GPC5: variants seen among roughly 807,000 people sequenced by gnomAD.
GPC5 encodes the protein glypican-5.
GPC5 carries 47 observed loss-of-function variants against 53.9 expected under a neutral mutation model. The observed-to-expected ratio is 0.87, with a 90% CI of 0.69 to 1.11. The LOEUF (loss-of-function observed/expected upper bound fraction) is 1.11. GPC5 is among the 50% of genes most tolerant of loss of function. The pLI, the probability that GPC5 is intolerant of heterozygous loss-of-function variation, is 0.00. For synonymous variants in GPC5, 286 were observed against 263.3 expected, an observed-to-expected ratio of 1.09 and a Z score of -0.84; for missense variants, 748 against 713.1, an observed-to-expected ratio of 1.05 and a Z score of -0.56.
intron 7 of GPC5, among the ~76,000 whole-genome samples, chr13:92,864,557 T>A (rs1879282539): frequency 6.6e-6 from 1 of 151,512 alleles, no homozygotes; most frequent in South Asian, 2.1e-4. Flanking sequence ...TATGTAGTTA[T>A]CTTAGAAAAA....
chr13:92,147,157 A>G (rs2041873524), intron 7 of GPC5, among the ~76,000 whole-genome samples: 1 of 141,040 alleles, frequency 7.1e-6, no homozygotes, highest in Non-Finnish European at 1.5e-5. Context: ...AATTTATGTG[A>G]GGTGAAAGAA....
At chr13:91,711,875 G>A (rs962206284) in intron 3 of GPC5, among the ~76,000 whole-genome samples, 1 of 152,158 alleles carries the variant, frequency 6.6e-6, no homozygotes, top group African/African-American at 2.4e-5. Context: ...TGGCTGGGTA[G>A]CTTCAAGTTT....
chr13:92,696,466 AAT>A (rs1307026995), intron 7 of GPC5, among the ~76,000 whole-genome samples: 2 of 152,218 alleles, frequency 1.3e-5, no homozygotes, highest in African/African-American at 4.8e-5. Context: ...AGCTTTTTTA[AAT>A]ATGTTAGTTG....
Position 92,761,620 on chromosome 13 carries a change from T to C in GPC5, c.1562-104662T>C, listed in dbSNP as rs1333479620. 2.0e-5 allele frequency among the ~76,000 whole-genome samples: 3 copies of C among 152,174 alleles called. 1 individual carries two copies. The highest frequency in any genetic ancestry group is 7.2e-5 in the African/African-American group (3 of 41,440). On this transcript the variant is annotated intron_variant, in intron 7 of 7. Coordinates refer to ENST00000377067, the MANE Select transcript of GPC5 (RefSeq NM_004466.6). ...CCTATTTGTGTCCTTAATGCTAAAG[T>C]AGGTCTCTTGTAGCAGCATATACTC...
intron 7 of GPC5, among the ~76,000 whole-genome samples, chr13:92,688,080 A>C (rs887044641): frequency 3.4e-5 from 3 of 88,054 alleles, no homozygotes; most frequent in Non-Finnish European, 5.9e-5. Flanking sequence ...CTGGGCTCAT[A>C]AAATGAGTTA....
intron 6 of GPC5, among the ~76,000 whole-genome samples, chr13:91,954,990 A>G (rs913143697): frequency 1.3e-5 from 2 of 152,198 alleles, no homozygotes; most frequent in Non-Finnish European, 2.9e-5. Context: ...TTAAAATGCC[A>G]TTAAAATATC....
At chr13:92,291,366 G>A (rs9516046) in intron 7 of GPC5, among the ~76,000 whole-genome samples, 66,901 of 151,976 alleles carry the variant, frequency 0.44, 16,287 homozygotes, top group African/African-American at 0.66. Context: ...TAAGTACACC[G>A]ATCGGCACTC....
At chr13:91,545,509 A>G (rs1594234486) in intron 2 of GPC5, among the ~76,000 whole-genome samples, 1 of 152,132 alleles carries the variant, frequency 6.6e-6, no homozygotes, top group East Asian at 1.9e-4. Flanking sequence ...TGATTTTCAT[A>G]AATTTTTTTC....
rs116454127 is a variant in GPC5 at position 92,618,534 on chromosome 13, C to G, written c.1562-247748C>G. Among the ~76,000 whole-genome samples the G allele has an allele frequency of 4.5e-3, 680 of 151,940 alleles. 7 individuals are homozygous for G. The highest frequency in any genetic ancestry group is 0.015 in the African/African-American group (637 of 41,500). On this transcript the variant is annotated intron_variant, in intron 7 of 7. Transcript: ENST00000377067. ...ATACACCATGGGTAAGGAGATATAC[C>G]AGTGATTAAAGGACATTTTAATTCT... is the stretch of plus-strand genomic sequence containing the variant.
chr13:92,354,402 A>T (rs375371847), intron 7 of GPC5, among the ~76,000 whole-genome samples: 62 of 152,366 alleles, frequency 4.1e-4, no homozygotes, highest in African/African-American at 1.3e-3. Context: ...TCAGTTACTA[A>T]CAGGTGAAAT....
chr13:92,345,212 A>G (rs2043400664), intron 7 of GPC5, among the ~76,000 whole-genome samples: 1 of 152,230 alleles, frequency 6.6e-6, no homozygotes, highest in South Asian at 2.1e-4. Context: ...GACCAAAGAA[A>G]TATTTCAAAA....
intron 6 of GPC5, among the ~76,000 whole-genome samples, chr13:92,128,694 G>T (rs1232420636): frequency 1.3e-5 from 2 of 152,184 alleles, no homozygotes; most frequent in Non-Finnish European, 2.9e-5. Context: ...GCCGGGTGTG[G>T]TGGCTTATGC....
At chr13:92,049,529 C>G (rs1051888198) in intron 6 of GPC5, among the ~76,000 whole-genome samples, 19 of 152,194 alleles carry the variant, frequency 1.2e-4, no homozygotes, top group Admixed American at 1.1e-3. Flanking sequence ...AGCTTCTTTG[C>G]ATATTATCAA....
intron 7 of GPC5, among the ~76,000 whole-genome samples, chr13:92,306,396 G>T (rs955332875): frequency 6.6e-6 from 1 of 152,158 alleles, no homozygotes; most frequent in Non-Finnish European, 1.5e-5. Context: ...AAAAAGAGGA[G>T]CACTGGGGAT....
In GPC5 at chr13:92,790,832, G is replaced by A. The variant is rs553116820; in HGVS notation, c.1562-75450G>A. Among the ~76,000 whole-genome samples the A allele has an allele frequency of 4.6e-5, 7 of 152,116 alleles. No individual in the cohort carries two copies. In the East Asian group the frequency reaches 1.4e-3, roughly 30 times the overall value. On this transcript the variant is annotated intron_variant, in intron 7 of 7. Transcript: ENST00000377067. Reference sequence around the variant, plus strand: ...GAGAAGCTGATTTGATTCTCCCTATGTGGTAAGGCACTATTTAAAAATTAG... The same window carrying A: ...GAGAAGCTGATTTGATTCTCCCTATATGGTAAGGCACTATTTAAAAATTAG...
At chr13:91,466,429 T>C (rs1176696334) in intron 2 of GPC5, among the ~76,000 whole-genome samples, 1 of 152,146 alleles carries the variant, frequency 6.6e-6, no homozygotes, top group Non-Finnish European at 1.5e-5. Context: ...GAACAAACTT[T>C]ACGTTTTTAT....
At chr13:92,609,049 C>CCA (rs112901565) in intron 7 of GPC5, among the ~76,000 whole-genome samples, 3,715 of 152,180 alleles carry the variant, frequency 0.024, 150 homozygotes, top group African/African-American at 0.085. Flanking sequence ...CCCAATTCTT[C>CCA]CCCCAACCCT....
intron 3 of GPC5, among the ~76,000 whole-genome samples, chr13:91,700,090 A>G (rs1308625140): frequency 2.0e-5 from 3 of 152,176 alleles, no homozygotes; most frequent in Middle Eastern, 3.2e-3. Flanking sequence ...AATTTTCTTC[A>G]CATGCCTGAT....
chr13:91,802,540 G>A (rs867957765), intron 5 of GPC5, among the ~76,000 whole-genome samples: 3 of 152,292 alleles, frequency 2.0e-5, no homozygotes, highest in Middle Eastern at 6.8e-3. Flanking sequence ...TGGGTGGCCA[G>A]CTTTTATTCC....
Sources: gnomAD v4.1 joint callset for allele counts (sites outside exome capture counted in the v4.1 genomes callset) on GRCh38, gnomAD v4.1.1 for gene constraint, MANE v1.5 for transcripts, NCBI Gene and HGNC (gene_info 2026-07-23, HGNC 2026-07-21) for gene names.